AGPAT4: variants seen among roughly 807,000 people sequenced by gnomAD.
AGPAT4 encodes the protein 1-acylglycerol-3-phosphate O-acyltransferase 4.
AGPAT4 carries 15 observed loss-of-function variants against 48.0 expected under a neutral mutation model. The observed-to-expected ratio is 0.31, with a 90% CI of 0.21 to 0.48. The LOEUF (loss-of-function observed/expected upper bound fraction) is 0.48, where lower values mean the gene tolerates loss of function less well. AGPAT4 is among the 20% of genes least tolerant of loss of function. The pLI, the probability that AGPAT4 is intolerant of heterozygous loss-of-function variation, is 0.99. For missense variants in AGPAT4, 314 were observed against 482.5 expected, an observed-to-expected ratio of 0.65 and a Z score of 3.27; for synonymous variants, 178 against 198.7, an observed-to-expected ratio of 0.90 and a Z score of 0.88.
intron 2 of AGPAT4, among the ~76,000 whole-genome samples, chr6:161,187,712 T>C (rs1780811472): frequency 6.6e-6 from 1 of 152,036 alleles, no homozygotes; most frequent in South Asian, 2.1e-4. Flanking sequence ...AGCTAATTTT[T>C]TTTGTATGTT....
At chr6:161,213,873 G>A (rs1046956448) in intron 2 of AGPAT4, among the ~76,000 whole-genome samples, 1 of 152,094 alleles carries the variant, frequency 6.6e-6, no homozygotes, top group Non-Finnish European at 1.5e-5. Flanking sequence ...TGGGAACAGA[G>A]ACTCATCTTC....
rs998388249 is a variant in AGPAT4, at chr6:161,206,412, C to G, written c.178+25624G>C. Among the ~76,000 whole-genome samples the G allele has an allele frequency of 1.1e-4, 17 of 152,172 alleles. No homozygotes were observed. Among genetic ancestry groups the G allele is most frequent in the Admixed American group, 6.5e-4 (10 of 15,276 alleles). On this transcript the variant is annotated intron_variant, in intron 2 of 8. Transcript: ENST00000320285. The surrounding 1 kb of genome is among the most constrained non-coding windows in gnomAD (Gnocchi z 4.8). ...CCATCCTGGAGACCTGGTGGGAAATCTGAACTCCCACCTTTGCACAGCAGT... is the reference window on the plus strand; with the variant it reads ...CCATCCTGGAGACCTGGTGGGAAATGTGAACTCCCACCTTTGCACAGCAGT...
At chr6:161,237,221 T>C (rs1040177452) in intron 1 of AGPAT4, among the ~76,000 whole-genome samples, 1 of 152,198 alleles carries the variant, frequency 6.6e-6, no homozygotes, top group Non-Finnish European at 1.5e-5. Flanking sequence ...TAATCCAAAT[T>C]ACCTTTATTT....
rs2115005027 is a variant in AGPAT4, at chr6:161,195,433, G to C, written c.179-29016C>G. On this transcript the variant is annotated intron_variant, in intron 2 of 8. Coordinates refer to ENST00000320285, the MANE Select transcript of AGPAT4 (RefSeq NM_020133.3). The surrounding 1 kb of genome is among the most constrained non-coding windows in gnomAD (Gnocchi z 5.0). ...GCAAGGAATGCTTCCATCATTCCAAGATTTAAAGCCACCTAGAAATACAGC... is the reference window on the plus strand; with the variant it reads ...GCAAGGAATGCTTCCATCATTCCAACATTTAAAGCCACCTAGAAATACAGC... 6.6e-6 allele frequency among the ~76,000 whole-genome samples: 1 copy of C among 152,302 alleles called. No homozygotes were observed. The highest frequency in any genetic ancestry group is 2.1e-4 in the South Asian group (1 of 4,810).
At chr6:161,176,357 T>G (rs1188063320) in intron 2 of AGPAT4, among the ~76,000 whole-genome samples, 1 of 152,246 alleles carries the variant, frequency 6.6e-6, no homozygotes, top group Non-Finnish European at 1.5e-5. Context: ...TAGATAGCTC[T>G]TCTTGTTGAA....
At position 161,272,009 on chromosome 6, in the gene AGPAT4, T is replaced by C. The variant is rs1268759155; in HGVS notation, c.-90+1929A>G. Among the ~76,000 whole-genome samples the C allele has an allele frequency of 6.6e-6, 1 of 152,256 alleles. No homozygotes were observed. The highest frequency in any genetic ancestry group is 1.5e-5 in the Non-Finnish European group (1 of 68,036). The stretch of plus-strand genomic sequence containing the variant: ...TGTGCTTTTCAAAATGAGTGTCATA[T>C]TCTTTTTAGTAATACTTTTCTGTGT... On this transcript the variant is annotated intron_variant, in intron 1 of 8. Coordinates refer to ENST00000320285, the MANE Select transcript of AGPAT4 (RefSeq NM_020133.3). The surrounding 1 kb of genome is among the most constrained non-coding windows in gnomAD (Gnocchi z 4.2).
In AGPAT4 at chr6:161,208,658, T is replaced by A. The variant is rs1781444608; in HGVS notation, c.178+23378A>T. On this transcript the variant is annotated intron_variant, in intron 2 of 8. Transcript: ENST00000320285. This position sits in a 1 kb window ranked among gnomAD's most constrained non-coding sequence, Gnocchi z 4.6. ...CATTCATCACTTAGATCTTCAAGAT[T>A]CACAGCAACAGAAAAACAATTCAGA... 6.6e-6 allele frequency among the ~76,000 whole-genome samples: 1 copy of A among 152,198 alleles called. No homozygotes were observed. Among genetic ancestry groups the A allele is most frequent in the Non-Finnish European group, 1.5e-5 (1 of 68,036 alleles).
rs1483652909 is a variant in AGPAT4 at position 161,143,091 on chromosome 6, G to C, written c.843+3433C>G. On this transcript the variant is annotated intron_variant, in intron 7 of 8. Coordinates refer to ENST00000320285, the MANE Select transcript of AGPAT4 (RefSeq NM_020133.3). The surrounding 1 kb of genome is among the most constrained non-coding windows in gnomAD (Gnocchi z 4.7). ...GCTGTCCTTCACTTATTTCTCTTTAGAGACAGGGTCTTGCTCTGCTGCCCA... is the reference window on the plus strand; with the variant it reads ...GCTGTCCTTCACTTATTTCTCTTTACAGACAGGGTCTTGCTCTGCTGCCCA... 2.0e-5 allele frequency among the ~76,000 whole-genome samples: 3 copies of C among 152,182 alleles called. No individual in the cohort carries two copies. In the East Asian group the frequency reaches 5.8e-4, roughly 29 times the overall value.
Position 161,200,790 on chromosome 6 carries a change from T to C in AGPAT4, c.178+31246A>G, listed in dbSNP as rs958218329. 6.6e-6 allele frequency among the ~76,000 whole-genome samples: 1 copy of C among 152,222 alleles called. No homozygotes were observed. The highest frequency in any genetic ancestry group is 2.4e-5 in the African/African-American group (1 of 41,458). On this transcript the variant is annotated intron_variant, in intron 2 of 8. Coordinates refer to ENST00000320285, the MANE Select transcript of AGPAT4 (RefSeq NM_020133.3). This position sits in a 1 kb window ranked among gnomAD's most constrained non-coding sequence, Gnocchi z 5.5. The stretch of plus-strand genomic sequence containing the variant: ...CATGTGTTACACTGCCCCCGCAGGA[T>C]GGCTCTTGTCTCTGAGAAGGTTATT...
intron 2 of AGPAT4, among the ~76,000 whole-genome samples, chr6:161,179,754 T>C (rs1780533683): frequency 6.6e-6 from 1 of 152,200 alleles, no homozygotes; most frequent in Non-Finnish European, 1.5e-5. Context: ...GAATAGTACA[T>C]ACATTTTCTC....
chr6:161,188,848 C>G (rs1164504198), intron 2 of AGPAT4, among the ~76,000 whole-genome samples: 3 of 152,036 alleles, frequency 2.0e-5, no homozygotes, highest in Admixed American at 1.3e-4. Context: ...ATCCCGAGAG[C>G]CACCTGGTGA....
rs1320343293 is a variant in AGPAT4 at position 161,166,187 on chromosome 6, C to T, written c.348+61G>A. 1.9e-6 allele frequency: 3 copies of T among 1,575,744 alleles called. No homozygotes were observed. Among genetic ancestry groups the T allele is most frequent in the Admixed American group, 1.8e-5 (1 of 55,438 alleles). On this transcript the variant is annotated intron_variant, in intron 3 of 8. Transcript: ENST00000320285. The surrounding 1 kb of genome is among the most constrained non-coding windows in gnomAD (Gnocchi z 6.7). ...TTCTGAATGACCAGGAGCAAAAAGA[C>T]AAGTGGTGGGGCTGAACCAGAGAAA...
In AGPAT4 at chr6:161,259,412, T is replaced by C. The variant is rs1582916426; in HGVS notation, c.-90+14526A>G. Among the ~76,000 whole-genome samples, 1 of 152,168 alleles carries C rather than the reference T, an allele frequency of 6.6e-6. No homozygotes were observed. The highest frequency in any genetic ancestry group is 2.0e-4 in the East Asian group (1 of 5,098). On this transcript the variant is annotated intron_variant, in intron 1 of 8. Coordinates refer to ENST00000320285, the MANE Select transcript of AGPAT4 (RefSeq NM_020133.3). The surrounding 1 kb of genome is among the most constrained non-coding windows in gnomAD (Gnocchi z 4.9). ...CCTTGGCTGTCCGCAGCGCGTATGC[T>C]TTGAGTTGCTGGTGATCACGGACTT... is the stretch of plus-strand genomic sequence containing the variant.
At position 161,178,396 on chromosome 6, in the gene AGPAT4, T is replaced by A. The variant is rs927927246; in HGVS notation, c.179-11979A>T. Among the ~76,000 whole-genome samples, 1 of 152,192 alleles carries A rather than the reference T, an allele frequency of 6.6e-6. No individual in the cohort carries two copies. The highest frequency in any genetic ancestry group is 2.4e-5 in the African/African-American group (1 of 41,444). ...TTCGATCAGACTTCTGTGCTAGCAA[T>A]GAGCAAGGCTCCGTGGGCGTCGGAC... On this transcript the variant is annotated intron_variant, in intron 2 of 8. Coordinates refer to ENST00000320285, the MANE Select transcript of AGPAT4 (RefSeq NM_020133.3). This position sits in a 1 kb window ranked among gnomAD's most constrained non-coding sequence, Gnocchi z 5.1.
rs1782547956 is a variant in AGPAT4, at chr6:161,243,263, C to T, written c.-89-10961G>A. On this transcript the variant is annotated intron_variant, in intron 1 of 8. Coordinates refer to ENST00000320285, the MANE Select transcript of AGPAT4 (RefSeq NM_020133.3). The surrounding 1 kb of genome is among the most constrained non-coding windows in gnomAD (Gnocchi z 4.8). ...AGGGGCAGCTCTCCCCTTGGGGTTA[C>T]CAAAGTAGGGAAATGGCCCAAGACC... Among the ~76,000 whole-genome samples the T allele has an allele frequency of 1.3e-5, 2 of 151,990 alleles. No homozygotes were observed. The highest frequency in any genetic ancestry group is 1.3e-4 in the Admixed American group (2 of 15,260).
rs930401102 is a variant in AGPAT4, at chr6:161,184,834, C to T, written c.179-18417G>A. On this transcript the variant is annotated intron_variant, in intron 2 of 8. Transcript: ENST00000320285. This position sits in a 1 kb window ranked among gnomAD's most constrained non-coding sequence, Gnocchi z 4.8. ...CCCTTAGATTTTGTTCTCTAAACAC[C>T]GTACCTGTGGTGTGTGTAGTATTCC... is the stretch of plus-strand genomic sequence containing the variant. Among the ~76,000 whole-genome samples the T allele has an allele frequency of 2.0e-5, 3 of 152,070 alleles. No homozygotes were observed. Among genetic ancestry groups the T allele is most frequent in the Non-Finnish European group, 2.9e-5 (2 of 68,026 alleles).
At position 161,232,123 on chromosome 6, in the gene AGPAT4, T is replaced by G. The variant is rs1207862045; in HGVS notation, c.91A>C (p.Ile31Leu). 1.2e-6 allele frequency: 2 copies of G among 1,614,046 alleles called. No homozygotes were observed. Among genetic ancestry groups the G allele is most frequent in the South Asian group, 1.1e-5 (1 of 91,066 alleles). ...FIASGLIINT[I>L]QLFTLLLWPI... is the part of the protein sequence containing the mutation. ...CAGAGGAGGAGAGTGAAGAGCTGAA[T>G]GGTGTTGATGATTAGCCCTGAGGCA... Residue 31 changes from isoleucine to leucine, a missense_variant, in exon 2 of 9, where the codon ATT becomes CTT. Transcript: ENST00000320285. This position sits in a 1 kb window ranked among gnomAD's most constrained non-coding sequence, Gnocchi z 6.8.
chr6:161,173,089 T>A (rs2114985906), intron 2 of AGPAT4, among the ~76,000 whole-genome samples: 1 of 152,350 alleles, frequency 6.6e-6, no homozygotes, highest in East Asian at 1.9e-4. Context: ...TTGTGAATAG[T>A]GCCACAATAA....
At chr6:161,224,656 A>G (rs898580728) in intron 2 of AGPAT4, among the ~76,000 whole-genome samples, 3 of 149,708 alleles carry the variant, frequency 2.0e-5, no homozygotes, top group South Asian at 2.1e-4. Context: ...AAAAAAAAAA[A>G]AAAAGAAAGA....
Sources: allele counts gnomAD v4.1 joint callset (sites outside exome capture counted in the v4.1 genomes callset), GRCh38; gene constraint gnomAD v4.1.1; non-coding constraint Gnocchi (gnomAD v3.1); transcripts MANE v1.5; gene names NCBI Gene and HGNC (gene_info 2026-07-23, HGNC 2026-07-21).